Variants in APPBP2 observed in about 807,000 individuals in gnomAD.
The protein encoded by APPBP2 is amyloid beta precursor protein binding protein 2, also known as amyloid protein-binding protein 2.
Under a neutral mutation model 76.0 loss-of-function variants are expected in APPBP2, and 15 were observed. The ratio of observed to expected loss-of-function variants is 0.20; its 90% CI spans 0.13 to 0.30. The LOEUF (loss-of-function observed/expected upper bound fraction) is 0.30. Among genes scored for constraint, APPBP2 ranks in the 10% least tolerant of loss-of-function variants. The probability of loss-of-function intolerance (pLI) is 1.00; values close to 1 mark genes in which losing one functional copy is unlikely to be tolerated. For missense variants in APPBP2, 401 were observed against 687.2 expected, an observed-to-expected ratio of 0.58 and a Z score of 4.66; for synonymous variants, 222 against 242.2, an observed-to-expected ratio of 0.92 and a Z score of 0.77.
intron 1 of APPBP2, among the ~76,000 whole-genome samples, chr17:60,521,301 T>G (rs1230766088): frequency 1.3e-5 from 2 of 152,200 alleles, no homozygotes; most frequent in Non-Finnish European, 2.9e-5. Context: ...TGTAGTTGAA[T>G]TACTTTATTT....
At chr17:60,490,694 T>C (rs2090721394) in intron 3 of APPBP2, among the ~76,000 whole-genome samples, 1 of 152,150 alleles carries the variant, frequency 6.6e-6, no homozygotes, top group African/African-American at 2.4e-5. Context: ...TCCCACATTA[T>C]GGGAGGGACC....
rs764242851 is a variant in APPBP2 at position 60,445,619 on chromosome 17, G to A, written c.*1962C>T. The A allele has an allele frequency of 1.3e-5, 2 of 152,356 alleles. No individual in the cohort carries two copies. Among genetic ancestry groups the A allele is most frequent in the Admixed American group, 6.5e-5 (1 of 15,272 alleles). The allele number at this position is 152,356 out of a possible 1,614,324, so 9.4% of individuals were successfully genotyped here. On this transcript the variant is annotated 3_prime_UTR_variant, in exon 13 of 13. Transcript: ENST00000083182. ...AAATATATAGGCCCATGAGGATAGA[G>A]CTGAGTAACTTAAAAATGTTAGTCC...
rs1285664285 is a variant in APPBP2 at position 60,464,118 on chromosome 17, A to T, written c.673-8T>A. ...GATGCACCATTTGTATGCCTAAAAA[A>T]ATTATTTATAGAAGAGACAGAACTG... On this transcript the variant is annotated splice_polypyrimidine_tract_variant and splice_region_variant and intron_variant, in intron 5 of 12. Coordinates refer to ENST00000083182, the MANE Select transcript of APPBP2 (RefSeq NM_006380.5). The T allele has an allele frequency of 6.3e-7, 1 of 1,598,378 alleles. No homozygotes were observed. The highest frequency in any genetic ancestry group is 8.5e-7 in the Non-Finnish European group (1 of 1,171,352).
chr17:60,447,883 T>C, intron 12 of APPBP2, 49 bp from the exon 13 acceptor site: 3 of 1,484,994 alleles, frequency 2.0e-6, no homozygotes, highest in Non-Finnish European at 2.7e-6. Context: ...AATAATGAGA[T>C]AACAAGCAAT....
chr17:60,506,922 G>A (rs547748711), intron 1 of APPBP2, among the ~76,000 whole-genome samples: 41 of 152,284 alleles, frequency 2.7e-4, no homozygotes, highest in East Asian at 1.5e-3. Context: ...TGTAGTCCCA[G>A]CTACTTGGGA....
At position 60,456,018 on chromosome 17, in the gene APPBP2, T is replaced by A. The variant is rs1008843977; in HGVS notation, c.1147+278A>T. On this transcript the variant is annotated intron_variant, in intron 10 of 12. Coordinates refer to ENST00000083182, the MANE Select transcript of APPBP2 (RefSeq NM_006380.5). ...GTCTCAAACTTCTGACCTCAGGTGATCTGCCTGCCTCGGCCTCCCAAAGTG... is the reference window on the plus strand; with the variant it reads ...GTCTCAAACTTCTGACCTCAGGTGAACTGCCTGCCTCGGCCTCCCAAAGTG... Among the ~76,000 whole-genome samples the A allele has an allele frequency of 1.3e-5, 2 of 152,218 alleles. 1 individual carries two copies. Among genetic ancestry groups the A allele is most frequent in the South Asian group, 4.1e-4 (2 of 4,834 alleles).
chr17:60,458,165 G>T (rs1020877744), intron 9 of APPBP2, among the ~76,000 whole-genome samples: 5 of 152,184 alleles, frequency 3.3e-5, no homozygotes, highest in African/African-American at 1.2e-4. Flanking sequence ...CAGGCATGGT[G>T]GCTCACATCT....
In APPBP2 at chr17:60,494,490, C is replaced by A. The variant is rs1423578353; in HGVS notation, c.355G>T (p.Ala119Ser). Reference protein sequence around the residue: ...AESDAAVKEKAIQVGFVLGGF... With the variant: ...AESDAAVKEKSIQVGFVLGGF... ...CCTAAAACAAAGCCAACCTGAATGG[C>A]TTTTTCCTTTACTGCAGCATCTGAT... The change falls in exon 3 of 13, where the codon GCC (alanine) becomes TCC (serine). Residue 119 changes from alanine to serine, a missense_variant. By Grantham distance (99) the Ala-to-Ser change is moderately conservative. Around this residue, in one of 5 missense-constraint regions of APPBP2, gnomAD observed 149 missense variants for 198.4 expected, o/e 0.75. Transcript: ENST00000083182. 6.2e-7 allele frequency: 1 copy of A among 1,610,318 alleles called. No homozygotes were observed.
chr17:60,473,742 T>C (rs1307211445), intron 4 of APPBP2, among the ~76,000 whole-genome samples: 1 of 152,218 alleles, frequency 6.6e-6, no homozygotes, highest in Non-Finnish European at 1.5e-5. Context: ...AAAATCGCTT[T>C]TCCTCCTCAC....
At chr17:60,452,167 C>A in intron 11 of APPBP2, 122 bp from the exon 12 acceptor site, 1 of 1,010,320 alleles carries the variant, frequency 9.9e-7, no homozygotes, top group Non-Finnish European at 1.5e-6. Context: ...GTAATCAGAT[C>A]AAAGAACATA....
intron 12 of APPBP2, among the ~76,000 whole-genome samples, chr17:60,450,616 A>T (rs1182002511): frequency 1.7e-5 from 2 of 119,550 alleles, no homozygotes; most frequent in Non-Finnish European, 3.1e-5. Context: ...TTGAAACAAT[A>T]AAAAAAAAAA....
chr17:60,465,710 C>T (rs999318800), intron 5 of APPBP2, among the ~76,000 whole-genome samples: 1 of 152,054 alleles, frequency 6.6e-6, no homozygotes, highest in Non-Finnish European at 1.5e-5. Flanking sequence ...TCAAAAACTA[C>T]AACACGAGGC....
At chr17:60,497,608 T>C (rs2090787114) in intron 2 of APPBP2, among the ~76,000 whole-genome samples, 2 of 152,122 alleles carry the variant, frequency 1.3e-5, no homozygotes, top group Admixed American at 1.3e-4. Flanking sequence ...ATGTAACCCA[T>C]AAATATATGC....
At chr17:60,502,098 G>A (rs1463948946) in intron 1 of APPBP2, among the ~76,000 whole-genome samples, 1 of 152,162 alleles carries the variant, frequency 6.6e-6, no homozygotes, top group East Asian at 1.9e-4. Flanking sequence ...CTGTCATCCA[G>A]GCTGCAGTAT....
intron 6 of APPBP2, among the ~76,000 whole-genome samples, chr17:60,462,984 T>C (rs1230882420): frequency 1.3e-5 from 2 of 150,912 alleles, no homozygotes; most frequent in South Asian, 2.1e-4. Context: ...CCCAGAAATA[T>C]AAATCTTGCA....
intron 2 of APPBP2, among the ~76,000 whole-genome samples, chr17:60,495,995 G>A (rs550301623): frequency 6.6e-6 from 1 of 152,242 alleles, no homozygotes; most frequent in South Asian, 2.1e-4. Context: ...CAACATGAAT[G>A]AACCTTAAAA....
rs189774447 is a variant in APPBP2 at position 60,522,847 on chromosome 17, T to C, written c.138+2947A>G. 5.9e-5 allele frequency among the ~76,000 whole-genome samples: 9 copies of C among 151,982 alleles called. No homozygotes were observed. The East Asian group carries it at 1.7e-3, about 29-fold the overall frequency. On this transcript the variant is annotated intron_variant, in intron 1 of 12. Coordinates refer to ENST00000083182, the MANE Select transcript of APPBP2 (RefSeq NM_006380.5). ...TGCCACTCAGCCAACAAATATATTC[T>C]AGTGTCTTCCATTCTTTTTTTTTTT...
At chr17:60,458,512 A>G (rs773290844) in intron 9 of APPBP2, among the ~76,000 whole-genome samples, 3 of 151,932 alleles carry the variant, frequency 2.0e-5, no homozygotes, top group Admixed American at 6.6e-5. Flanking sequence ...CTTTTATATT[A>G]GAGTTAACAA....
rs1488154126 is a variant in APPBP2 at position 60,446,172 on chromosome 17, G to A, written c.*1409C>T. On this transcript the variant is annotated 3_prime_UTR_variant, in exon 13 of 13. Transcript: ENST00000083182. ...GTCATGAACCCCTGAAAATAGGGGG[G>A]GAACCCAGATTCTTAACTATAGAAG... 2 of 152,610 alleles carry A rather than the reference G, an allele frequency of 1.3e-5. No homozygotes were observed. Among genetic ancestry groups the A allele is most frequent in the South Asian group, 2.1e-4 (1 of 4,832 alleles). The allele number at this position is 152,610 out of a possible 1,614,324, so 9.5% of individuals were successfully genotyped here.
Sources: allele counts gnomAD v4.1 joint callset (sites outside exome capture counted in the v4.1 genomes callset), GRCh38; gene constraint gnomAD v4.1.1; regional missense constraint gnomAD v4.1.1; transcripts MANE v1.5; gene names NCBI Gene and HGNC (gene_info 2026-07-23, HGNC 2026-07-21).